Variants in RASSF3 observed in about 807,000 individuals in gnomAD.
RASSF3 encodes ras association domain-containing protein 3.
In RASSF3, 19 loss-of-function variants were observed where a neutral mutation model predicts 19.9. That is an observed-to-expected ratio of 0.96 (90% CI 0.67 to 1.40). The LOEUF is 1.40. Among genes scored for constraint, RASSF3 ranks in the 40% most tolerant of loss-of-function variants. The probability of loss-of-function intolerance (pLI) is 0.00; values close to 1 mark genes in which losing one functional copy is unlikely to be tolerated. For synonymous variants in RASSF3, 110 were observed against 104.2 expected (o/e 1.06, Z -0.34); for missense variants, 306 against 289.8 (o/e 1.06, Z -0.41).
intron 1 of RASSF3, among the ~76,000 whole-genome samples, chr12:64,624,947 G>A (rs1161692327): frequency 2.6e-5 from 4 of 152,098 alleles, no homozygotes; most frequent in South Asian, 4.2e-4. Context: ...GATTACAGGC[G>A]TGAGCCACCG....
Position 64,684,945 on chromosome 12 carries a change from A to C in RASSF3, c.219+51A>C, listed in dbSNP as rs115450652. Reference sequence around the variant, plus strand: ...TTGACACCTGTCAAAAGACAAATATAAATTGTTGGTACTACAATCTATAGT... The same window carrying C: ...TTGACACCTGTCAAAAGACAAATATCAATTGTTGGTACTACAATCTATAGT... On this transcript the variant is annotated intron_variant, in intron 2 of 4. Coordinates refer to ENST00000542104, the MANE Select transcript of RASSF3 (RefSeq NM_178169.4). 4.7e-4 allele frequency: 501 copies of C among 1,070,936 alleles called. 4 individuals carry two copies. In the African/African-American group the frequency reaches 6.6e-3, roughly 14 times the overall value. The allele number at this position is 1,070,936 out of a possible 1,614,324, so 66.3% of individuals were successfully genotyped here.
intron 2 of RASSF3, among the ~76,000 whole-genome samples, chr12:64,598,628 G>C (rs1013827122): frequency 1.3e-5 from 2 of 152,146 alleles, no homozygotes; most frequent in African/African-American, 4.8e-5. Context: ...GGCACTGTTA[G>C]GTCTCTTACT....
chr12:64,598,234 T>C (rs769446196), intron 2 of RASSF3, among the ~76,000 whole-genome samples: 9 of 152,332 alleles, frequency 5.9e-5, no homozygotes, highest in Middle Eastern at 3.4e-3. Flanking sequence ...CCAAATCTTA[T>C]CACATTCTTC....
chr12:64,555,944 C>T (rs1275480001), intron 2 of RASSF3, among the ~76,000 whole-genome samples: 1 of 152,072 alleles, frequency 6.6e-6, no homozygotes, highest in Non-Finnish European at 1.5e-5. Context: ...CTTCAGGATA[C>T]ACCTCTGCAT....
intron 1 of RASSF3, among the ~76,000 whole-genome samples, chr12:64,633,519 G>A (rs1270955967): frequency 6.9e-6 from 1 of 144,876 alleles, no homozygotes; most frequent in Non-Finnish European, 1.5e-5. Context: ...CACCTCCTGA[G>A]GTCCTCCTGA....
At position 64,671,662 on chromosome 12, in the gene RASSF3, A is replaced by G. The variant is rs570354272; in HGVS notation, c.112-13125A>G. 3.3e-5 allele frequency among the ~76,000 whole-genome samples: 5 copies of G among 152,334 alleles called. No individual in the cohort carries two copies. The South Asian group carries it at 6.2e-4, about 19-fold the overall frequency. On this transcript the variant is annotated intron_variant, in intron 1 of 4. Transcript: ENST00000542104. ...GACTTTTTACTTCCTTGGCAGGAGG[A>G]GGAAGGTGATTCCTCAGATAAAACC... is the stretch of plus-strand genomic sequence containing the variant.
intron 2 of RASSF3, among the ~76,000 whole-genome samples, chr12:64,560,745 G>T (rs920040541): frequency 6.6e-6 from 1 of 152,204 alleles, no homozygotes; most frequent in African/African-American, 2.4e-5. Flanking sequence ...GCTAAGATGG[G>T]ATTGGATGTG....
chr12:64,664,960 C>T (rs888601460), intron 1 of RASSF3, among the ~76,000 whole-genome samples: 1 of 152,072 alleles, frequency 6.6e-6, no homozygotes, highest in Non-Finnish European at 1.5e-5. Context: ...GTATTCGTAC[C>T]TCAGTTTAAT....
At chr12:64,621,221 G>C (rs1206131705) in intron 1 of RASSF3, among the ~76,000 whole-genome samples, 5 of 152,082 alleles carry the variant, frequency 3.3e-5, no homozygotes, top group Non-Finnish European at 5.9e-5. Context: ...CAGACGTGAG[G>C]CACTGCGCCT....
chr12:64,621,618 T>C (rs1040841942), intron 1 of RASSF3, among the ~76,000 whole-genome samples: 2 of 152,192 alleles, frequency 1.3e-5, no homozygotes, highest in African/African-American at 4.8e-5. Flanking sequence ...GCTGGGATTA[T>C]GGGCATGCGC....
At chr12:64,637,707 G>T (rs965890533) in intron 1 of RASSF3, among the ~76,000 whole-genome samples, 1 of 151,986 alleles carries the variant, frequency 6.6e-6, no homozygotes, top group Non-Finnish European at 1.5e-5. Flanking sequence ...TGGGATTACA[G>T]ACATGAGCCA....
At chr12:64,586,969 A>G (rs1304873859) in intron 2 of RASSF3, among the ~76,000 whole-genome samples, 1 of 151,826 alleles carries the variant, frequency 6.6e-6, no homozygotes, top group African/African-American at 2.4e-5. Flanking sequence ...CAAACTACTC[A>G]GCTCATAAGT....
rs138003125 is a variant in RASSF3, at chr12:64,511,629, G to A, written c.169+4300G>A. 3.6e-3 allele frequency among the ~76,000 whole-genome samples: 546 copies of A among 152,204 alleles called. 7 individuals carry two copies. The highest frequency in any genetic ancestry group is 0.013 in the African/African-American group (522 of 41,522). On this transcript the variant is annotated intron_variant, in intron 1 of 5. Coordinates refer to the RASSF3 transcript ENST00000637125. ...CTTTGGGGTTCCCAGCAGTCATCCT[G>A]GTCATTTAATTTCTGTGGTAAGGAC...
At chr12:64,634,367 T>C (rs1214413014) in intron 1 of RASSF3, among the ~76,000 whole-genome samples, 1 of 151,886 alleles carries the variant, frequency 6.6e-6, no homozygotes, top group Non-Finnish European at 1.5e-5. Context: ...AAATGAGTTC[T>C]TACTATGTTA....
At chr12:64,682,049 G>C (rs1240733926) in intron 1 of RASSF3, among the ~76,000 whole-genome samples, 1 of 152,120 alleles carries the variant, frequency 6.6e-6, no homozygotes, top group Admixed American at 6.5e-5. Flanking sequence ...TGGAGCTTTT[G>C]AAAGTTTATT....
At chr12:64,629,710 A>G (rs999971547) in intron 1 of RASSF3, among the ~76,000 whole-genome samples, 13 of 151,960 alleles carry the variant, frequency 8.6e-5, no homozygotes, top group Non-Finnish European at 1.8e-4. Context: ...CATGCCTGTA[A>G]TCCCAGCACT....
intron 1 of RASSF3, among the ~76,000 whole-genome samples, chr12:64,630,792 G>GGTTTCTGGT (rs1166063914): frequency 6.6e-6 from 1 of 152,172 alleles, no homozygotes; most frequent in Non-Finnish European, 1.5e-5. Flanking sequence ...AAGAGTTGTA[G>GGTTTCTGGT]GTTTCTGGTT....
intron 2 of RASSF3, among the ~76,000 whole-genome samples, chr12:64,594,424 A>G (rs540877648): frequency 3.3e-5 from 5 of 152,276 alleles, no homozygotes; most frequent in Admixed American, 3.3e-4. Context: ...CCACCAATAA[A>G]GTTTTTAATC....
At chr12:64,608,560 G>A (rs932642474), upstream of RASSF3, among the ~76,000 whole-genome samples, 59 of 152,220 alleles carry the variant, frequency 3.9e-4, no homozygotes, top group African/African-American at 1.4e-3. Context: ...TGATCCACCC[G>A]CCTCTGCCTC....
Sources: allele counts gnomAD v4.1 joint callset (sites outside exome capture counted in the v4.1 genomes callset), GRCh38; gene constraint gnomAD v4.1.1; transcripts MANE v1.5; gene names NCBI Gene and HGNC (gene_info 2026-07-23, HGNC 2026-07-21).